Variants in RIMBP2 observed in about 807,000 individuals in gnomAD.
RIMBP2 encodes RIMS-binding protein 2.
A neutral mutation model predicts 118.6 loss-of-function variants in RIMBP2; 48 were observed. That is an observed-to-expected ratio of 0.40 (90% confidence interval 0.32 to 0.51). RIMBP2 has a LOEUF of 0.51. Ranked by LOEUF, RIMBP2 falls within the 20% of genes least tolerant of loss-of-function variation. The pLI, the probability that RIMBP2 is intolerant of heterozygous loss-of-function variation, is 0.41. For synonymous variants in RIMBP2, 762 were observed against 742.9 expected, an observed-to-expected ratio of 1.03 and a Z score of -0.42; for missense variants, 1,551 against 1,768.3, an observed-to-expected ratio of 0.88 and a Z score of 2.20.
At chr12:130,454,037 G>C (rs2079214181) in intron 7 of RIMBP2, among the ~76,000 whole-genome samples, 1 of 152,122 alleles carries the variant, frequency 6.6e-6, no homozygotes, top group African/African-American at 2.4e-5. Flanking sequence ...CTGGGCGACA[G>C]AGCGAGACTC....
chr12:130,607,254 C>T (rs981381322), intron 2 of RIMBP2, among the ~76,000 whole-genome samples: 1 of 152,146 alleles, frequency 6.6e-6, no homozygotes, highest in Non-Finnish European at 1.5e-5. Context: ...CTGGGCAGAG[C>T]ACTCACTCTC....
At chr12:130,441,401 AAATAATAATAATAATAATAATAAT>A (rs58605863) in intron 11 of RIMBP2, among the ~76,000 whole-genome samples, 2,303 of 122,882 alleles carry the variant, frequency 0.019, 63 homozygotes, top group African/African-American at 0.063. Flanking sequence ...ACTCCATCTC[AAATAATAATAATAATAATAATAAT>A]AATAATAATA....
At chr12:130,593,378 C>T (rs1472659678) in intron 2 of RIMBP2, among the ~76,000 whole-genome samples, 1 of 152,214 alleles carries the variant, frequency 6.6e-6, no homozygotes, top group East Asian at 1.9e-4. Context: ...GCACAGTGCC[C>T]CGCACAGGGA....
At chr12:130,405,285 C>G (rs2075053845) in intron 21 of RIMBP2, among the ~76,000 whole-genome samples, 1 of 152,158 alleles carries the variant, frequency 6.6e-6, no homozygotes, top group Non-Finnish European at 1.5e-5. Context: ...ATATCCTCAC[C>G]AAAGGCAAAT....
At chr12:130,625,633 A>C (rs2140894796) in intron 2 of RIMBP2, among the ~76,000 whole-genome samples, 1 of 152,346 alleles carries the variant, frequency 6.6e-6, no homozygotes, top group African/African-American at 2.4e-5. Context: ...AACAAGAGCT[A>C]AATTTAAATG....
At chr12:130,399,642 G>T in intron 22 of RIMBP2, 37 bp downstream of exon 22, 2 of 1,610,652 alleles carry the variant, frequency 1.2e-6, no homozygotes, top group South Asian at 1.1e-5. Flanking sequence ...ATGGCAGAAC[G>T]GGACAGAGAT....
chr12:130,477,161 G>C (rs1386693333), intron 5 of RIMBP2, among the ~76,000 whole-genome samples: 1 of 152,226 alleles, frequency 6.6e-6, no homozygotes, highest in East Asian at 1.9e-4. Context: ...GTGAGTGCGG[G>C]GGGATAAAGA....
In RIMBP2 at chr12:130,424,608, T is replaced by G; in HGVS notation, c.2663A>C (p.His888Pro). ...APRGSWFPVK[H>P]RGSGAVPHVE... ...GTGGGGGACGGCCCCCGAGCCCCTG[T>G]GCTTCACCGGGAACCAGGAGCCCCG... The change falls in exon 16 of 23, where the codon CAC becomes CCC. Residue 888 changes from histidine to proline, a missense_variant. Transcript: ENST00000690449. The surrounding 1 kb of genome is among the most constrained non-coding windows in gnomAD (Gnocchi z 9.8). 8.1e-7 allele frequency: 1 copy of G among 1,231,880 alleles called. No homozygotes were observed. The highest frequency in any genetic ancestry group is 1.0e-6 in the Non-Finnish European group (1 of 987,800). The allele number at this position is 1,231,880 out of a possible 1,614,324, so 76.3% of individuals were successfully genotyped here. A position where few individuals can be genotyped will look rare whatever the true frequency, so the allele number is the denominator to read the frequency against.
Position 130,450,192 on chromosome 12 carries a change from G to T in RIMBP2, c.581+8C>A, listed in dbSNP as rs757009914. The T allele has an allele frequency of 1.3e-6, 2 of 1,594,170 alleles. No homozygotes were observed. The highest frequency in any genetic ancestry group is 8.6e-7 in the Non-Finnish European group (1 of 1,167,244). The stretch of plus-strand genomic sequence containing the variant: ...GGGGCTCGGTGGACGCCGAGGGGCC[G>T]CACTTACCTATAGCGGGCAACACAG... On this transcript the variant is annotated splice_region_variant and intron_variant, in intron 9 of 22. Transcript: ENST00000690449. The surrounding 1 kb of genome is among the most constrained non-coding windows in gnomAD (Gnocchi z 4.8).
chr12:130,594,453 ATCTTT>A (rs940011005), intron 2 of RIMBP2, among the ~76,000 whole-genome samples: 6 of 152,198 alleles, frequency 3.9e-5, no homozygotes, highest in Admixed American at 3.3e-4. Flanking sequence ...TATAATACTT[ATCTTT>A]TAAGGCAGGG....
At position 130,619,175 on chromosome 12, in the gene RIMBP2, C is replaced by T. The variant is rs192131351; in HGVS notation, c.-217+9147G>A. ...CAATTATTTATTCCACAAACTTCTGCGCTATTTTCAGAGCAGCTTTCCAGG... is the reference window on the plus strand; with the variant it reads ...CAATTATTTATTCCACAAACTTCTGTGCTATTTTCAGAGCAGCTTTCCAGG... On this transcript the variant is annotated intron_variant, in intron 2 of 22. Transcript: ENST00000690449. Among the ~76,000 whole-genome samples the T allele has an allele frequency of 1.2e-3, 184 of 152,200 alleles. 4 individuals carry two copies. Among genetic ancestry groups the T allele is most frequent in the Non-Finnish European group, 3.4e-4 (23 of 68,038 alleles).
chr12:130,399,206 AAATAT>A (rs765619149), intron 22 of RIMBP2: 9 of 1,125,506 alleles, frequency 8.0e-6, no homozygotes, highest in Admixed American at 3.5e-5. Context: ...ATATATATAA[AAATAT>A]AATATAGAAA....
At position 130,664,435 on chromosome 12, in the gene RIMBP2, G is replaced by GCGCACACA. The variant is rs2063816270; in HGVS notation, c.-351-35980_-351-35979insTGTGTGCG. 2.0e-4 allele frequency among the ~76,000 whole-genome samples: 11 copies of GCGCACACA among 56,384 alleles called. 1 individual carries two copies. Among genetic ancestry groups the GCGCACACA allele is most frequent in the African/African-American group, 5.5e-4 (11 of 20,142 alleles). The allele number at this position is 56,384 out of a possible 152,430, so 37.0% of individuals were successfully genotyped here. On this transcript the variant is annotated intron_variant, in intron 1 of 22. Coordinates refer to ENST00000690449, the MANE Select transcript of RIMBP2 (RefSeq NM_001393629.1). ...CGCACACACACGCACACACATGCATGCACGCACACACGCACACACATGCAC... is the reference window on the plus strand; with the variant it reads ...CGCACACACACGCACACACATGCATGCGCACACACACGCACACACGCACACACATGCAC...
chr12:130,450,318 G>T lies in RIMBP2; in HGVS notation c.505-42C>A. 6.8e-7 allele frequency: 1 copy of T among 1,467,698 alleles called. No homozygotes were observed. The allele number at this position is 1,467,698 out of a possible 1,614,324, so 90.9% of individuals were successfully genotyped here. A position where few individuals can be genotyped will look rare whatever the true frequency, so the allele number is the denominator to read the frequency against. On this transcript the variant is annotated intron_variant, in intron 8 of 22. Coordinates refer to ENST00000690449, the MANE Select transcript of RIMBP2 (RefSeq NM_001393629.1). This position sits in a 1 kb window ranked among gnomAD's most constrained non-coding sequence, Gnocchi z 4.8. ...GGGTGTGTGGGTTATTGAAGCTGGA[G>T]GTGTCCCACCCCATTCCCGCGGCAC...
At chr12:130,510,294 T>G (rs557410602) in intron 3 of RIMBP2, among the ~76,000 whole-genome samples, 1 of 152,342 alleles carries the variant, frequency 6.6e-6, no homozygotes, top group South Asian at 2.1e-4. Context: ...ACTGTGTTTC[T>G]GCAGTGGACA....
intron 1 of RIMBP2, among the ~76,000 whole-genome samples, chr12:130,671,719 C>A (rs2064205930): frequency 6.6e-6 from 1 of 151,442 alleles, no homozygotes; most frequent in African/African-American, 2.4e-5. Context: ...CCACCCCCAC[C>A]CCAGCTGTGA....
chr12:130,493,772 C>T (rs1046672437), intron 4 of RIMBP2, among the ~76,000 whole-genome samples: 7 of 152,222 alleles, frequency 4.6e-5, no homozygotes, highest in African/African-American at 1.7e-4. Context: ...CATGCTCCAT[C>T]TATATACCTG....
chr12:130,701,790 G>A (rs1381314409), intron 1 of RIMBP2, among the ~76,000 whole-genome samples: 3 of 152,054 alleles, frequency 2.0e-5, no homozygotes, highest in Admixed American at 6.5e-5. Flanking sequence ...CTTCAACTCA[G>A]TGGGCAAAAC....
At chr12:130,600,164 A>G (rs530597433) in intron 2 of RIMBP2, among the ~76,000 whole-genome samples, 14 of 152,272 alleles carry the variant, frequency 9.2e-5, no homozygotes, top group African/African-American at 3.4e-4. Flanking sequence ...TGCCCCGACC[A>G]CCTTAGGCAC....
Sources: allele counts gnomAD v4.1 joint callset (sites outside exome capture counted in the v4.1 genomes callset), GRCh38; gene constraint gnomAD v4.1.1; non-coding constraint Gnocchi (gnomAD v3.1); transcripts MANE v1.5; gene names NCBI Gene and HGNC (gene_info 2026-07-23, HGNC 2026-07-21).